The following SLC14A2 variants were observed in gnomAD, a reference collection of about 807,000 sequenced individuals.
SLC14A2 encodes urea transporter 2.
Under a neutral mutation model 104.6 loss-of-function variants are expected in SLC14A2, and 91 were observed. The ratio of observed to expected loss-of-function variants is 0.87; its 90% CI spans 0.73 to 1.04. The LOEUF (loss-of-function observed/expected upper bound fraction) is 1.04, where lower values mean the gene tolerates loss of function less well. Among genes scored for constraint, SLC14A2 ranks in the 50% least tolerant of loss-of-function variants. The pLI, the probability that SLC14A2 is intolerant of heterozygous loss-of-function variation, is 0.00. For synonymous variants in SLC14A2, 476 were observed against 466.4 expected, an observed-to-expected ratio of 1.02 and a Z score of -0.27; for missense variants, 1,189 against 1,156.0, an observed-to-expected ratio of 1.03 and a Z score of -0.41.
chr18:45,262,138 T>A (rs2084545715), intron 1 of SLC14A2, among the ~76,000 whole-genome samples: 1 of 152,216 alleles, frequency 6.6e-6, no homozygotes, highest in Non-Finnish European at 1.5e-5. Context: ...TGGTTTTGAT[T>A]TGCATTTCTC....
intron 2 of SLC14A2, among the ~76,000 whole-genome samples, chr18:45,575,372 G>A (rs1847130836): frequency 6.6e-6 from 1 of 152,148 alleles, no homozygotes; most frequent in Non-Finnish European, 1.5e-5. Flanking sequence ...CTGCCAGCCT[G>A]GGCTCTCAGA....
rs1317389849 is a variant in SLC14A2, at chr18:45,668,377, T to C, written c.1936T>C (p.Tyr646His). 2.5e-6 allele frequency: 4 copies of C among 1,614,016 alleles called. No homozygotes were observed. In the African/African-American group the frequency reaches 4.0e-5, roughly 16 times the overall value. The change falls in exon 15 of 20, where the codon TAC becomes CAC. Residue 646 changes from tyrosine (Y) to histidine (H), a missense_variant. Coordinates refer to ENST00000255226, the MANE Select transcript of SLC14A2 (RefSeq NM_007163.4). ...GGCCATCGCTGCAGGATTTCACGGC[T>C]ACAATGGGGTGCTGGTGGGGCTGCT... The part of the protein sequence containing the change: ...KSAIAAGFHG[Y>H]NGVLVGLLMA...
intron 10 of SLC14A2, among the ~76,000 whole-genome samples, chr18:45,654,755 G>A (rs900350232): frequency 1.3e-5 from 2 of 152,122 alleles, no homozygotes; most frequent in African/African-American, 4.8e-5. Context: ...ATAACCCTGA[G>A]TACTTCCTGC....
At chr18:45,335,735 A>G (rs770397741) in intron 1 of SLC14A2, among the ~76,000 whole-genome samples, 15 of 152,222 alleles carry the variant, frequency 9.9e-5, no homozygotes, top group Non-Finnish European at 1.9e-4. Flanking sequence ...TTCCCTTGCC[A>G]GAATGATTCA....
intron 2 of SLC14A2, among the ~76,000 whole-genome samples, chr18:45,495,384 C>T (rs2043076327): frequency 6.6e-6 from 1 of 152,148 alleles, no homozygotes; most frequent in Admixed American, 6.5e-5. Flanking sequence ...ATCCTGGTGG[C>T]ATATTTCTAT....
At chr18:45,655,225 C>T (rs1377463135) in intron 10 of SLC14A2, among the ~76,000 whole-genome samples, 1 of 152,186 alleles carries the variant, frequency 6.6e-6, no homozygotes, top group African/African-American at 2.4e-5. Context: ...AGACAAATAG[C>T]CATGCCATAA....
chr18:45,377,617 A>C (rs1223596963), intron 1 of SLC14A2, among the ~76,000 whole-genome samples: 1 of 152,068 alleles, frequency 6.6e-6, no homozygotes, highest in Non-Finnish European at 1.5e-5. Flanking sequence ...CTTGCTTCTC[A>C]ACATCTCAGA....
chr18:45,643,685 C>T (rs1053265242), intron 9 of SLC14A2, among the ~76,000 whole-genome samples: 2 of 152,182 alleles, frequency 1.3e-5, no homozygotes, highest in Admixed American at 6.5e-5. Context: ...AGGCATGCAC[C>T]ATCATGCCCA....
At chr18:45,189,504 TA>T in the SLC14A2 span, among the ~76,000 whole-genome samples, 1 of 152,170 alleles carries the variant, frequency 6.6e-6, no homozygotes, top group African/African-American at 2.4e-5. Flanking sequence ...CATCAATAGA[TA>T]AAATGTAGAT....
chr18:45,380,747 C>T (rs539702214), intron 1 of SLC14A2, among the ~76,000 whole-genome samples: 1 of 152,198 alleles, frequency 6.6e-6, no homozygotes, highest in East Asian at 1.9e-4. Flanking sequence ...TGTTTATGTC[C>T]AATAGGAGAG....
chr18:45,604,369 C>T (rs907629469), intron 2 of SLC14A2, among the ~76,000 whole-genome samples: 1 of 152,162 alleles, frequency 6.6e-6, no homozygotes, highest in African/African-American at 2.4e-5. Context: ...ATAATATTTA[C>T]CATTTTAAAA....
rs141449277 is a variant in SLC14A2 at position 45,284,189 on chromosome 18, C to G, written c.-125+70998C>G. ...CAATCAGGCATTACAGTGTGTTATACAGCTAACACACGGAACACTGTAGGT... is the reference window on the plus strand; with the variant it reads ...CAATCAGGCATTACAGTGTGTTATAGAGCTAACACACGGAACACTGTAGGT... On this transcript the variant is annotated intron_variant, in intron 1 of 20. Transcript: ENST00000586448. Among the ~76,000 whole-genome samples, 400 of 152,304 alleles carry G rather than the reference C, an allele frequency of 2.6e-3. 3 individuals carry two copies. The highest frequency in any genetic ancestry group is 9.2e-3 in the African/African-American group (382 of 41,568).
chr18:45,607,333 A>G (rs534156469), intron 2 of SLC14A2, among the ~76,000 whole-genome samples: 73 of 152,274 alleles, frequency 4.8e-4, no homozygotes, highest in African/African-American at 1.7e-3. Flanking sequence ...TCTTTCTTAC[A>G]TGGTCTGTCA....
rs992993958 is a variant in SLC14A2, at chr18:45,570,540, A to G, written c.-34-54091A>G. On this transcript the variant is annotated intron_variant, in intron 2 of 20. Transcript: ENST00000586448. ...CTGGAGCATGGTACGTTGGAATTATAAAATTCCTAAAAATTGTAGCCACCC... is the reference window on the plus strand; with the variant it reads ...CTGGAGCATGGTACGTTGGAATTATGAAATTCCTAAAAATTGTAGCCACCC... 3.9e-5 allele frequency among the ~76,000 whole-genome samples: 6 copies of G among 152,376 alleles called. 1 individual carries two copies. The highest frequency in any genetic ancestry group is 6.5e-5 in the Admixed American group (1 of 15,310).
chr18:45,349,191 A>G (rs1598707016), intron 1 of SLC14A2, among the ~76,000 whole-genome samples: 1 of 152,244 alleles, frequency 6.6e-6, no homozygotes, highest in East Asian at 1.9e-4. Context: ...ATTTGGAAGG[A>G]CTATCAGTTC....
intron 1 of SLC14A2, among the ~76,000 whole-genome samples, chr18:45,476,711 A>T (rs1312198536): frequency 6.6e-6 from 1 of 152,056 alleles, no homozygotes; most frequent in Non-Finnish European, 1.5e-5. Flanking sequence ...TCTTGTCTTC[A>T]TCCTTTATTT....
At chr18:45,664,033 C>T in intron 11 of SLC14A2, 126 bp downstream of exon 11, 1 of 981,048 alleles carries the variant, frequency 1.0e-6, no homozygotes, top group Non-Finnish European at 1.4e-6. Context: ...TGACCTCTCA[C>T]ACCTGACGTC....
At chr18:45,329,544 A>T (rs1705198620) in intron 1 of SLC14A2, among the ~76,000 whole-genome samples, 1 of 152,220 alleles carries the variant, frequency 6.6e-6, no homozygotes, top group Non-Finnish European at 1.5e-5. Flanking sequence ...GAGGTAATTT[A>T]TAAGGAGGGG....
intron 1 of SLC14A2, among the ~76,000 whole-genome samples, chr18:45,416,712 G>T (rs1209120889): frequency 1.3e-5 from 2 of 152,060 alleles, no homozygotes; most frequent in Admixed American, 1.3e-4. Flanking sequence ...AGTAAAATGG[G>T]TATTTAACTA....
Sources: allele counts gnomAD v4.1 joint callset (sites outside exome capture counted in the v4.1 genomes callset), GRCh38; gene constraint gnomAD v4.1.1; transcripts MANE v1.5; gene names NCBI Gene and HGNC (gene_info 2026-07-23, HGNC 2026-07-21).